Variants in ZCCHC4 observed in about 807,000 individuals in gnomAD.
ZCCHC4 encodes zinc finger CCHC-type containing 4.
In ZCCHC4, 54 loss-of-function variants were observed where a neutral mutation model predicts 67.7. The observed-to-expected ratio is 0.80, with a 90% CI of 0.64 to 1.00. The LOEUF (loss-of-function observed/expected upper bound fraction) is 1.00, where lower values mean the gene tolerates loss of function less well. ZCCHC4 is among the 50% of genes least tolerant of loss of function. ZCCHC4 has a pLI of 0.00. For synonymous variants in ZCCHC4, 198 were observed against 213.5 expected, an observed-to-expected ratio of 0.93 and a Z score of 0.63; for missense variants, 609 against 617.0, an observed-to-expected ratio of 0.99 and a Z score of 0.14.
intron 8 of ZCCHC4, among the ~76,000 whole-genome samples, chr4:25,358,221 T>C (rs1720588802): frequency 6.6e-6 from 1 of 152,210 alleles, no homozygotes; most frequent in African/African-American, 2.4e-5. Flanking sequence ...ACAACAATAA[T>C]TGTGAACCTG....
rs1720306509 is a variant in ZCCHC4 at position 25,351,714 on chromosome 4, G to A, written c.1011+25G>A. Reference sequence around the variant, plus strand: ...GGTAGAGTACATATTCTGTTTTCTGGCATGGTTGGGGAATGGAGATTCTAC... The same window carrying A: ...GGTAGAGTACATATTCTGTTTTCTGACATGGTTGGGGAATGGAGATTCTAC... On this transcript the variant is annotated intron_variant, in intron 8 of 12. Coordinates refer to ENST00000302874, the MANE Select transcript of ZCCHC4 (RefSeq NM_024936.3). 3.2e-6 allele frequency: 5 copies of A among 1,550,740 alleles called. No individual in the cohort carries two copies. The South Asian group carries it at 5.8e-5, about 18-fold the overall frequency.
intron 12 of ZCCHC4, among the ~76,000 whole-genome samples, chr4:25,366,546 G>A (rs966914917): frequency 6.6e-6 from 1 of 152,130 alleles, no homozygotes; most frequent in African/African-American, 2.4e-5. Flanking sequence ...TTGATCTCCT[G>A]ACCTCGTGAT....
intron 8 of ZCCHC4, among the ~76,000 whole-genome samples, chr4:25,356,455 AAAT>A (rs1720521838): frequency 6.6e-6 from 1 of 152,168 alleles, no homozygotes; most frequent in Non-Finnish European, 1.5e-5. Context: ...CCGCATTTAA[AAAT>A]AATAATAATC....
chr4:25,365,721 T>C, intron 12 of ZCCHC4: 1 of 985,330 alleles, frequency 1.0e-6, no homozygotes, highest in Non-Finnish European at 1.2e-6. Flanking sequence ...CTCACCAATA[T>C]TTGATTGGAG....
chr4:25,352,490 C>T, intron 8 of ZCCHC4: 4 of 719,336 alleles, frequency 5.6e-6, no homozygotes, highest in Non-Finnish European at 6.8e-6. Context: ...CTCACTGCAA[C>T]CTCTGCTTCC....
intron 5 of ZCCHC4, among the ~76,000 whole-genome samples, chr4:25,344,806 CTT>C (rs35047070): frequency 1.1e-4 from 16 of 141,520 alleles, no homozygotes; most frequent in Admixed American, 1.4e-4. Flanking sequence ...ATTTGTATTA[CTT>C]TTTTTTTTTT....
At chr4:25,360,264 C>T (rs779029335) in intron 8 of ZCCHC4, among the ~76,000 whole-genome samples, 5 of 152,196 alleles carry the variant, frequency 3.3e-5, no homozygotes, top group Non-Finnish European at 7.3e-5. Context: ...TAAGATGGTG[C>T]GGCTGAGACC....
rs750780295 is a variant in ZCCHC4, at chr4:25,333,419, C to T, written c.566C>T (p.Ala189Val). 10 of 1,613,982 alleles carry T rather than the reference C, an allele frequency of 6.2e-6. No homozygotes were observed. The South Asian group carries it at 9.9e-5, about 16-fold the overall frequency. ...SCQFLVDLLS[A>V]LGFRRVLCVG... ...CAGTTCTTGGTAGACTTACTTTCTG[C>T]CCTCGGATTCAGAAGAGTACTGTGT... is the stretch of plus-strand genomic sequence containing the variant. Residue 189 changes from alanine (A) to valine (V), a missense_variant, in exon 4 of 13, where the codon GCC (alanine) becomes GTC (valine). Ala to Val is a moderately conservative substitution (Grantham distance 64). Transcript: ENST00000302874.
At chr4:25,368,586 G>A (rs1441630648) in intron 12 of ZCCHC4, among the ~76,000 whole-genome samples, 1 of 152,062 alleles carries the variant, frequency 6.6e-6, no homozygotes, top group Non-Finnish European at 1.5e-5. Context: ...AAGGCTTCTC[G>A]GTTTTTTCCA....
intron 6 of ZCCHC4, among the ~76,000 whole-genome samples, chr4:25,345,856 G>A (rs1233981546): frequency 6.6e-6 from 1 of 152,104 alleles, no homozygotes; most frequent in Non-Finnish European, 1.5e-5. Flanking sequence ...TAGAAGGCCC[G>A]TGGGGCTCTG....
At chr4:25,326,349 A>G (rs1246303041) in intron 3 of ZCCHC4, among the ~76,000 whole-genome samples, 2 of 152,232 alleles carry the variant, frequency 1.3e-5, no homozygotes, top group African/African-American at 4.8e-5. Flanking sequence ...GACCCAGGAT[A>G]ACCTCCTCAT....
At chr4:25,335,300 T>G (rs551165469) in intron 5 of ZCCHC4, among the ~76,000 whole-genome samples, 1 of 152,064 alleles carries the variant, frequency 6.6e-6, no homozygotes, top group South Asian at 2.1e-4. Flanking sequence ...TAAAAAAAAT[T>G]AGCTGGACAT....
chr4:25,347,979 G>A (rs993615977), intron 6 of ZCCHC4, among the ~76,000 whole-genome samples: 2 of 152,052 alleles, frequency 1.3e-5, no homozygotes, highest in Non-Finnish European at 2.9e-5. Context: ...GTTTGGCTAT[G>A]ATGCCATTGA....
chr4:25,326,836 CT>C (rs1330435296), intron 3 of ZCCHC4, among the ~76,000 whole-genome samples: 1 of 152,038 alleles, frequency 6.6e-6, no homozygotes, highest in Non-Finnish European at 1.5e-5. Flanking sequence ...TGGTGTATCT[CT>C]TCAGTTACTA....
chr4:25,347,300 A>G (rs1720070948), intron 6 of ZCCHC4, among the ~76,000 whole-genome samples: 1 of 152,336 alleles, frequency 6.6e-6, no homozygotes, highest in African/African-American at 2.4e-5. Context: ...GCAATTTTTT[A>G]TATTTTTAAA....
chr4:25,368,553 C>A (rs1249130851), intron 12 of ZCCHC4, among the ~76,000 whole-genome samples: 1 of 152,114 alleles, frequency 6.6e-6, no homozygotes, highest in Non-Finnish European at 1.5e-5. Context: ...AAAATCTGTA[C>A]GACTTAGGAA....
rs537868271 is a variant in ZCCHC4, at chr4:25,359,545, G to C, written c.1012-2314G>C. 4.6e-5 allele frequency among the ~76,000 whole-genome samples: 7 copies of C among 152,302 alleles called. 1 individual carries two copies. The highest frequency in any genetic ancestry group is 3.9e-4 in the East Asian group (2 of 5,158). On this transcript the variant is annotated intron_variant, in intron 8 of 12. Coordinates refer to ENST00000302874, the MANE Select transcript of ZCCHC4 (RefSeq NM_024936.3). This position sits in a 1 kb window ranked among gnomAD's most constrained non-coding sequence, Gnocchi z 4.9. The stretch of plus-strand genomic sequence containing the variant: ...GGCTGTTGGCGGGATCAAGGGGTCC[G>C]TGCCACAAAGAAGGGAAAGATGCCC...
intron 3 of ZCCHC4, among the ~76,000 whole-genome samples, chr4:25,322,610 C>T (rs961990166): frequency 6.6e-6 from 1 of 152,054 alleles, no homozygotes; most frequent in African/African-American, 2.4e-5. Flanking sequence ...CTTTGCCTCC[C>T]AGGTTCAAGA....
intron 8 of ZCCHC4, among the ~76,000 whole-genome samples, chr4:25,360,353 A>G (rs1577352010): frequency 6.6e-6 from 1 of 152,234 alleles, no homozygotes; most frequent in South Asian, 2.1e-4. Flanking sequence ...TTTGAGCTGG[A>G]TGTGCTTGTG....
Sources: gnomAD v4.1 joint callset for allele counts (sites outside exome capture counted in the v4.1 genomes callset) on GRCh38, gnomAD v4.1.1 for gene constraint, Gnocchi (gnomAD v3.1) non-coding constraint, MANE v1.5 for transcripts, NCBI Gene and HGNC (gene_info 2026-07-23, HGNC 2026-07-21) for gene names.